Variants in UNC79 observed in about 807,000 individuals in gnomAD.
UNC79 encodes the protein protein unc-79 homolog.
A neutral mutation model predicts 283.1 loss-of-function variants in UNC79; 37 were observed. The ratio of observed to expected loss-of-function variants is 0.13; its 90% CI spans 0.10 to 0.17. The LOEUF (loss-of-function observed/expected upper bound fraction) is 0.17. Among genes scored for constraint, UNC79 ranks in the 10% least tolerant of loss-of-function variants. The pLI is 1.00. For synonymous variants in UNC79, 1,107 were observed against 1,200.2 expected (o/e 0.92, Z 1.61); for missense variants, 2,272 against 3,211.1 (o/e 0.71, Z 7.07).
chr14:93,370,764 CCTG>C (rs939221649), intron 1 of UNC79, among the ~76,000 whole-genome samples: 2 of 151,534 alleles, frequency 1.3e-5, no homozygotes, highest in African/African-American at 4.9e-5. Flanking sequence ...AGAGCGAGAC[CCTG>C]TCTCAAAAAG....
At chr14:93,613,152 A>G in intron 27 of UNC79, 69 bp downstream of exon 28, 2 of 1,580,682 alleles carry the variant, frequency 1.3e-6, no homozygotes, top group Non-Finnish European at 1.7e-6. Context: ...ATTACATACC[A>G]TGTAGCCAAC....
intron 1 of UNC79, among the ~76,000 whole-genome samples, chr14:93,408,485 G>A (rs1429726495): frequency 6.6e-6 from 1 of 152,182 alleles, no homozygotes; most frequent in Non-Finnish European, 1.5e-5. Flanking sequence ...CTGAGCACAG[G>A]AGTTCAAGAC....
intron 1 of UNC79, among the ~76,000 whole-genome samples, chr14:93,402,408 T>C (rs2055129593): frequency 6.6e-6 from 1 of 151,376 alleles, no homozygotes; most frequent in African/African-American, 2.4e-5. Context: ...TAAAGTATAT[T>C]TGGTATTGAA....
At chr14:93,585,884 T>TC (rs1491399912) in intron 20 of UNC79, among the ~76,000 whole-genome samples, 57 of 61,130 alleles carry the variant, frequency 9.3e-4, no homozygotes, top group Non-Finnish European at 1.4e-3. Context: ...TCTCTCTCTC[T>TC]TTTTTTTTTT....
intron 17 of UNC79, 47 bp downstream of exon 17, chr14:93,575,245 A>G: frequency 1.9e-6 from 3 of 1,611,850 alleles, no homozygotes; most frequent in Non-Finnish European, 2.5e-6. Flanking sequence ...AAAATCTTGA[A>G]AACCCTTGTC....
chr14:93,367,691 C>A (rs1458774439), intron 1 of UNC79, among the ~76,000 whole-genome samples: 1 of 152,174 alleles, frequency 6.6e-6, no homozygotes, highest in Non-Finnish European at 1.5e-5. Context: ...GTAATCACAA[C>A]AAATGTGTTG....
intron 1 of UNC79, among the ~76,000 whole-genome samples, chr14:93,369,483 G>T (rs1284833955): frequency 6.6e-6 from 1 of 152,222 alleles, no homozygotes; most frequent in Non-Finnish European, 1.5e-5. Flanking sequence ...GCACACTGCT[G>T]CTTCCAGGAT....
At chr14:93,660,563 A>ATATATATATATATGTGTGTG (rs1203621990) in intron 39 of UNC79, among the ~76,000 whole-genome samples, 29 of 64,750 alleles carry the variant, frequency 4.5e-4, no homozygotes, top group Non-Finnish European at 7.9e-4. Context: ...ATATATATAT[A>ATATATATATATATGTGTGTG]TGTGTGTGTG....
chr14:93,450,203 A>G (rs891499134), intron 1 of UNC79, among the ~76,000 whole-genome samples: 1 of 152,202 alleles, frequency 6.6e-6, no homozygotes, highest in Non-Finnish European at 1.5e-5. Context: ...TAAGCTCAAC[A>G]TGACCTGCCT....
chr14:93,621,860 A>G lies in UNC79; in HGVS notation c.4627A>G (p.Asn1543Asp). 1.3e-6 allele frequency: 2 copies of G among 1,553,460 alleles called. No homozygotes were observed. Among genetic ancestry groups the G allele is most frequent in the Non-Finnish European group, 1.7e-6 (2 of 1,143,258 alleles). The stretch of plus-strand genomic sequence containing the variant: ...AGCTGCGTATATCGCACAAAGACCA[A>G]ACGACCCTGGACGTTCTAGACAGAA... Residue 1543 changes from asparagine (N) to aspartate (D), a missense_variant, in exon 30 of 49, where the codon AAC (asparagine) becomes GAC (aspartate). Physicochemically the swap from Asn to Asp is conservative, Grantham distance 23 (BLOSUM62 1). Transcript: ENST00000555664. This position sits in a 1 kb window ranked among gnomAD's most constrained non-coding sequence, Gnocchi z 4.8.
intron 33 of UNC79, among the ~76,000 whole-genome samples, chr14:93,643,344 A>G (rs1342816144): frequency 6.6e-6 from 1 of 152,192 alleles, no homozygotes; most frequent in Non-Finnish European, 1.5e-5. Flanking sequence ...TTCAGTCATC[A>G]GAGGCACCTT....
At chr14:93,475,662 A>G (rs1021203406) in intron 3 of UNC79, among the ~76,000 whole-genome samples, 9 of 152,170 alleles carry the variant, frequency 5.9e-5, no homozygotes, top group Non-Finnish European at 7.4e-5. Context: ...TGAGCTTGTC[A>G]GTGCGTCTCC....
At chr14:93,333,241 C>CCGGGCGTCGGTCGCTGGGAGT (rs1555395010) in exon 1 of UNC79, 1 of 400,134 alleles carries the variant, frequency 2.5e-6, no homozygotes, top group African/African-American at 2.1e-5. Context: ...CGGCTGGGAG[C>CCGGGCGTCGGTCGCTGGGAGT]CGGGCGTCGG....
intron 39 of UNC79, 34 bp downstream of exon 42, chr14:93,659,295 T>A: frequency 1.9e-6 from 3 of 1,563,804 alleles, no homozygotes; most frequent in Non-Finnish European, 2.6e-6. Flanking sequence ...AACCAATTGG[T>A]TAGTCAGTTT....
At chr14:93,551,813 T>C (rs564976993) in intron 14 of UNC79, among the ~76,000 whole-genome samples, 9 of 152,296 alleles carry the variant, frequency 5.9e-5, no homozygotes, top group Non-Finnish European at 1.2e-4. Context: ...CTCTGAGATA[T>C]TTCACTCTCT....
At chr14:93,653,842 A>G in exon 36 of UNC79, 2 of 1,614,176 alleles carry the variant, frequency 1.2e-6, no homozygotes, top group Non-Finnish European at 1.7e-6. Context: ...GCTGTTCCAA[A>G]GCACGATCAA....
chr14:93,425,366 G>T (rs945101840), upstream of UNC79, among the ~76,000 whole-genome samples: 6 of 152,144 alleles, frequency 3.9e-5, no homozygotes, highest in African/African-American at 1.4e-4. Flanking sequence ...TGGGGATTTT[G>T]GGAATTACAA....
At chr14:93,586,802 C>G in exon 22 of UNC79, 1 of 1,613,972 alleles carries the variant, frequency 6.2e-7, no homozygotes, top group Non-Finnish European at 8.5e-7. Flanking sequence ...TTTTAATATG[C>G]TCAATTGCCT....
At chr14:93,532,637 A>G in intron 11 of UNC79, 59 bp downstream of exon 11, 2 of 1,596,372 alleles carry the variant, frequency 1.3e-6, no homozygotes, top group Non-Finnish European at 8.6e-7. Flanking sequence ...ATGTAAATTC[A>G]TTTATTGACA....
Sources: gnomAD v4.1 joint callset for allele counts (sites outside exome capture counted in the v4.1 genomes callset) on GRCh38, gnomAD v4.1.1 for gene constraint, Gnocchi (gnomAD v3.1) non-coding constraint, MANE v1.5 for transcripts, NCBI Gene and HGNC (gene_info 2026-07-23, HGNC 2026-07-21) for gene names.